Variants in SPATA6 observed in about 807,000 individuals in gnomAD.
The protein encoded by SPATA6 is spermatogenesis-associated protein 6.
In SPATA6, 56 loss-of-function variants were observed where a neutral mutation model predicts 65.3. That is an observed-to-expected ratio of 0.86 (90% confidence interval 0.69 to 1.07). SPATA6 has a LOEUF of 1.07. Ranked by LOEUF, SPATA6 falls within the 50% of genes least tolerant of loss-of-function variation. SPATA6 has a pLI of 0.00. For missense variants in SPATA6, 590 were observed against 594.8 expected (o/e 0.99, Z 0.08); for synonymous variants, 199 against 213.2 (o/e 0.93, Z 0.58).
intron 3 of SPATA6, among the ~76,000 whole-genome samples, chr1:48,434,883 C>G (rs1166261020): frequency 1.3e-5 from 2 of 152,038 alleles, no homozygotes; most frequent in Non-Finnish European, 2.9e-5. Flanking sequence ...AGAATTAAAA[C>G]CATTTCCTTG....
At chr1:48,430,187 C>T (rs1654266900) in intron 3 of SPATA6, among the ~76,000 whole-genome samples, 1 of 152,048 alleles carries the variant, frequency 6.6e-6, no homozygotes, top group African/African-American at 2.4e-5. Context: ...CACAATGAGA[C>T]ACATTATAAA....
At chr1:48,264,221 T>A in the SPATA6 span, among the ~76,000 whole-genome samples, 4 of 152,304 alleles carry the variant, frequency 2.6e-5, no homozygotes, top group East Asian at 5.8e-4. Context: ...ACCCATTATT[T>A]GAGTACCCAA....
chr1:48,363,989 C>T (rs927527099), intron 9 of SPATA6, among the ~76,000 whole-genome samples: 2 of 151,708 alleles, frequency 1.3e-5, no homozygotes, highest in Non-Finnish European at 2.9e-5. Flanking sequence ...GTGTGATGTT[C>T]CCCTTCCTGT....
At chr1:48,328,720 G>A (rs1645834231) in intron 11 of SPATA6, among the ~76,000 whole-genome samples, 1 of 152,116 alleles carries the variant, frequency 6.6e-6, no homozygotes, top group Admixed American at 6.6e-5. Context: ...CCATTGAACT[G>A]TGTACTTAAA....
chr1:48,282,979 T>A, the SPATA6 span, among the ~76,000 whole-genome samples: 18 of 152,132 alleles, frequency 1.2e-4, no homozygotes, highest in Admixed American at 1.0e-3. Context: ...GTGGCACATA[T>A]ACACCATGGA....
rs140797460 is a variant in SPATA6 at position 48,467,660 on chromosome 1, C to T, written c.51+4298G>A. ...AGTAAACATACAGAATGGAGAAAATCTGATAAGCGGTTAATATCCAAAATA... is the reference window on the plus strand; with the variant it reads ...AGTAAACATACAGAATGGAGAAAATTTGATAAGCGGTTAATATCCAAAATA... On this transcript the variant is annotated intron_variant, in intron 1 of 12. Transcript: ENST00000371847. Among the ~76,000 whole-genome samples, 24 of 152,156 alleles carry T rather than the reference C, an allele frequency of 1.6e-4. 1 individual carries two copies. In the East Asian group the frequency reaches 4.6e-3, roughly 29 times the overall value.
chr1:48,451,600 C>T lies in SPATA6; in HGVS notation c.190G>A (p.Val64Met), dbSNP rs1436280025. The T allele has an allele frequency of 4.3e-6, 7 of 1,610,414 alleles. No homozygotes were observed. In the South Asian group the frequency reaches 7.8e-5, roughly 18 times the overall value. The change falls in exon 3 of 13, where the codon GTG (valine) becomes ATG (methionine). Residue 64 changes from valine to methionine, a missense_variant and splice_region_variant. Transcript: ENST00000371847. Reference protein sequence around the residue: ...VFNARMVFEKVFPDAVDPGDV... With the variant: ...VFNARMVFEKMFPDAVDPGDV... ...CCAGGATCTACTGCGTCCGGGAACA[C>T]CTATAGTGAGACGATACAGGGAGAG...
Position 48,425,301 on chromosome 1 carries a change from AG to A in SPATA6, c.239-12151del, listed in dbSNP as rs1653732043. Among the ~76,000 whole-genome samples the A allele has an allele frequency of 2.6e-5, 4 of 152,228 alleles. No individual in the cohort carries two copies. In the South Asian group the frequency reaches 8.3e-4, roughly 32 times the overall value. On this transcript the variant is annotated intron_variant, in intron 3 of 12. Coordinates refer to ENST00000371847, the MANE Select transcript of SPATA6 (RefSeq NM_019073.4). Reference sequence around the variant, plus strand: ...CCTCTGTCAAAAATGAGTTCACTGTAGGTGTATGGATTTGTTTCTGGGTTCT... The same window carrying A: ...CCTCTGTCAAAAATGAGTTCACTGTAGTGTATGGATTTGTTTCTGGGTTCT...
intron 11 of SPATA6, 32 bp downstream of exon 11, chr1:48,355,632 TTATAAA>T: frequency 6.8e-7 from 1 of 1,468,930 alleles, no homozygotes; most frequent in Non-Finnish European, 9.5e-7. Context: ...TCTTGACCTA[TTATAAA>T]TAGTCTTCAA....
chr1:48,344,911 C>CACAAAATA (rs907495233), intron 11 of SPATA6, among the ~76,000 whole-genome samples: 1 of 152,024 alleles, frequency 6.6e-6, no homozygotes, highest in Non-Finnish European at 1.5e-5. Flanking sequence ...CTTAGACTCC[C>CACAAAATA]ACAAAATAAC....
intron 3 of SPATA6, among the ~76,000 whole-genome samples, chr1:48,421,882 A>T (rs1018648538): frequency 6.6e-6 from 1 of 152,106 alleles, no homozygotes; most frequent in African/African-American, 2.4e-5. Context: ...GGAAGAATGG[A>T]AATGTAAAAA....
intron 5 of SPATA6, among the ~76,000 whole-genome samples, chr1:48,405,340 G>A (rs532222222): frequency 6.6e-6 from 1 of 152,260 alleles, no homozygotes; most frequent in Admixed American, 6.5e-5. Flanking sequence ...AAACTTAGCG[G>A]TTTAAAGCAT....
At chr1:48,419,870 G>A (rs944495191) in intron 3 of SPATA6, among the ~76,000 whole-genome samples, 25 of 152,182 alleles carry the variant, frequency 1.6e-4, no homozygotes, top group African/African-American at 5.8e-4. Flanking sequence ...AGGTAGTAAT[G>A]AGAAGCAATT....
intron 11 of SPATA6, among the ~76,000 whole-genome samples, chr1:48,341,797 G>C (rs1311240488): frequency 6.6e-6 from 1 of 152,176 alleles, no homozygotes; most frequent in Non-Finnish European, 1.5e-5. Context: ...TGCATGGTAA[G>C]TGCTTAGTTA....
chr1:48,277,536 T>C, the SPATA6 span, among the ~76,000 whole-genome samples: 3 of 152,184 alleles, frequency 2.0e-5, no homozygotes, highest in East Asian at 1.9e-4. Flanking sequence ...TATCCCGCAC[T>C]TGGCTCGGAG....
At chr1:48,349,489 CACA>C (rs1281465910) in intron 11 of SPATA6, among the ~76,000 whole-genome samples, 1 of 151,910 alleles carries the variant, frequency 6.6e-6, no homozygotes, top group Non-Finnish European at 1.5e-5. Flanking sequence ...CCTTGGATGA[CACA>C]ACATCATGCT....
At chr1:48,381,650 T>TTTG (rs1259738926) in intron 9 of SPATA6, among the ~76,000 whole-genome samples, 1 of 111,222 alleles carries the variant, frequency 9.0e-6, no homozygotes, top group African/African-American at 4.9e-5. Flanking sequence ...TGGTTTTTCT[T>TTTG]TTTTTTTTTT....
rs769689976 is a variant in SPATA6, at chr1:48,451,634, G to A, written c.190-34C>T. On this transcript the variant is annotated intron_variant, in intron 2 of 12. Coordinates refer to ENST00000371847, the MANE Select transcript of SPATA6 (RefSeq NM_019073.4). Reference sequence around the variant, plus strand: ...AGACGATACAGGGAGAGGCAGGAAGGAAGATATATATTTTTTTTCTCCCTT... The same window carrying A: ...AGACGATACAGGGAGAGGCAGGAAGAAAGATATATATTTTTTTTCTCCCTT... The A allele has an allele frequency of 1.9e-6, 3 of 1,583,476 alleles. No homozygotes were observed. In the Admixed American group the frequency reaches 5.7e-5, roughly 30 times the overall value.
the SPATA6 span, among the ~76,000 whole-genome samples, chr1:48,277,484 C>T: frequency 3.9e-5 from 6 of 152,340 alleles, no homozygotes; most frequent in South Asian, 2.1e-4. Flanking sequence ...CCCAATACTG[C>T]GCTTTTCCGA....
Sources: allele counts gnomAD v4.1 joint callset (sites outside exome capture counted in the v4.1 genomes callset), GRCh38; gene constraint gnomAD v4.1.1; transcripts MANE v1.5; gene names NCBI Gene and HGNC (gene_info 2026-07-23, HGNC 2026-07-21).